Variants in NAMPT observed in about 807,000 individuals in gnomAD.
NAMPT encodes nicotinamide phosphoribosyltransferase.
NAMPT carries 7 observed loss-of-function variants against 58.7 expected under a neutral mutation model. The observed-to-expected ratio is 0.12, with a 90% CI of 0.07 to 0.22. NAMPT has a LOEUF of 0.22. NAMPT is among the 10% of genes least tolerant of loss of function. NAMPT has a pLI of 1.00. For synonymous variants in NAMPT, 145 were observed against 198.1 expected (o/e 0.73, Z 2.25); for missense variants, 271 against 567.9 (o/e 0.48, Z 5.31).
At chr7:106,261,770 T>C (rs1454760232) in intron 7 of NAMPT, 63 bp from the exon 8 acceptor site, 1 of 1,496,364 alleles carries the variant, frequency 6.7e-7, no homozygotes, top group Non-Finnish European at 9.2e-7. Flanking sequence ...TAAGAGCTTT[T>C]CAAAGTTAAA....
At chr7:106,262,127 T>C (rs528778601) in intron 7 of NAMPT, among the ~76,000 whole-genome samples, 4 of 152,230 alleles carry the variant, frequency 2.6e-5, no homozygotes, top group Non-Finnish European at 5.9e-5. Context: ...TTGTCTGATA[T>C]ATAACTCCAA....
At chr7:106,261,994 GA>G (rs967409024) in intron 7 of NAMPT, among the ~76,000 whole-genome samples, 19 of 149,406 alleles carry the variant, frequency 1.3e-4, no homozygotes, top group African/African-American at 3.4e-4. Context: ...TGGATTCAAG[GA>G]AAAAAAAATC....
Position 106,280,878 on chromosome 7 carries a change from T to A in NAMPT, c.58-3699A>T, listed in dbSNP as rs188972228. On this transcript the variant is annotated intron_variant, in intron 1 of 10. Transcript: ENST00000222553. ...ATCGCTTGAACCTGGGAGGTGGAGG[T>A]TGCCGTGAGCTGAGATCGTGCCACT... Among the ~76,000 whole-genome samples the A allele has an allele frequency of 2.0e-3, 301 of 147,098 alleles. 1 individual carries two copies. The highest frequency in any genetic ancestry group is 7.2e-3 in the African/African-American group (285 of 39,672).
Position 106,268,503 on chromosome 7 carries a change from T to A in NAMPT, c.704A>T (p.Asp235Val), listed in dbSNP as rs1305532666. The A allele has an allele frequency of 1.9e-6, 3 of 1,613,862 alleles. No individual in the cohort carries two copies. Among genetic ancestry groups the A allele is most frequent in the Non-Finnish European group, 1.7e-6 (2 of 1,179,912 alleles). Residue 235 changes from aspartate (D) to valine (V), a missense_variant, in exon 6 of 11, where the codon GAT (aspartate) becomes GTT (valine). Physicochemically the swap from Asp to Val is radical, Grantham distance 152. This residue lies in a region of NAMPT where 143 missense variants were observed against 331.1 expected (regional missense o/e 0.43). Coordinates refer to ENST00000222553, the MANE Select transcript of NAMPT (RefSeq NM_005746.3). ...TGGAACAGAATAGCCTGGAACAGGA[T>A]CTTTCGTTCCATAATATTTTTTAAT... ...ALIKKYYGTK[D>V]PVPGYSVPAA...
chr7:106,274,795 C>T, intron 3 of NAMPT, 151 bp downstream of exon 3: 1 of 552,228 alleles, frequency 1.8e-6, no homozygotes, highest in Admixed American at 3.3e-5. Flanking sequence ...GCAGAGGTTG[C>T]AGTGAGCCGA....
intron 1 of NAMPT, among the ~76,000 whole-genome samples, chr7:106,283,657 C>T (rs1323025193): frequency 2.0e-5 from 3 of 152,108 alleles, no homozygotes; most frequent in Non-Finnish European, 2.9e-5. Flanking sequence ...TGATAGTGTT[C>T]GGATTTTGCA....
Position 106,284,868 on chromosome 7 carries a change from T to C in NAMPT, c.17A>G (p.Glu6Gly), listed in dbSNP as rs1792840206. The change falls in exon 1 of 11, where the codon GAA becomes GGA. Residue 6 changes from glutamate (E) to glycine (G), a missense_variant. Physicochemically the swap from Glu to Gly is moderately conservative, Grantham distance 98 (BLOSUM62 -2). This residue lies in a region of NAMPT where 23 missense variants were observed against 16.4 expected (regional missense o/e 1.40). Coordinates refer to ENST00000222553, the MANE Select transcript of NAMPT (RefSeq NM_005746.3). ...GGCCAGGAGGATGTTGAACTCGGCTTCTGCCGCAGGATTCATCTCGGGCCG... is the reference window on the plus strand; with the variant it reads ...GGCCAGGAGGATGTTGAACTCGGCTCCTGCCGCAGGATTCATCTCGGGCCG... MNPAA[E>G]AEFNILLATD... 1.9e-6 allele frequency: 3 copies of C among 1,583,120 alleles called. No homozygotes were observed. The South Asian group carries it at 3.4e-5, about 18-fold the overall frequency.
rs1037361534 is a variant in NAMPT, at chr7:106,249,286, ATTCT to A, written c.*1793_*1796del. 2 of 152,526 alleles carry A rather than the reference ATTCT, an allele frequency of 1.3e-5. No individual in the cohort carries two copies. Among genetic ancestry groups the A allele is most frequent in the African/African-American group, 2.4e-5 (1 of 41,430 alleles). The allele number at this position is 152,526 out of a possible 1,614,324, so 9.4% of individuals were successfully genotyped here. A position where few individuals can be genotyped will look rare whatever the true frequency, so the allele number is the denominator to read the frequency against. On this transcript the variant is annotated 3_prime_UTR_variant, in exon 11 of 11. Coordinates refer to ENST00000222553, the MANE Select transcript of NAMPT (RefSeq NM_005746.3). ...GTTTAAAGAACCATCTGAAAAACAT[ATTCT>A]TTCTAATACCACTTACAAAAAACAT...
intron 1 of NAMPT, among the ~76,000 whole-genome samples, chr7:106,278,603 TTA>T (rs1190380577): frequency 1.3e-5 from 2 of 152,174 alleles, no homozygotes; most frequent in Non-Finnish European, 2.9e-5. Context: ...GCAATGAAAT[TTA>T]TGTCAATTCA....
chr7:106,252,696 T>C (rs1036851298), intron 10 of NAMPT, among the ~76,000 whole-genome samples: 4 of 152,158 alleles, frequency 2.6e-5, no homozygotes, highest in Admixed American at 1.3e-4. Context: ...CCATTTATTA[T>C]GTAATCCAAA....
In NAMPT at chr7:106,267,836, G is replaced by C. The variant is rs1409817749; in HGVS notation, c.743+628C>G. On this transcript the variant is annotated intron_variant, in intron 6 of 10. Transcript: ENST00000222553. ...AGCCTGGGCGACAGAGCGAGACTCC[G>C]TCTCAAAAAAAAAAAAAAAAAAAAA... Among the ~76,000 whole-genome samples the C allele has an allele frequency of 2.8e-4, 3 of 10,634 alleles. No homozygotes were observed. In the South Asian group the frequency reaches 0.018, roughly 65 times the overall value. 7.0% of individuals were successfully genotyped at this position (10,634 alleles called of 152,430 possible). A position where few individuals can be genotyped will look rare whatever the true frequency, so the allele number is the denominator to read the frequency against.
intron 8 of NAMPT, among the ~76,000 whole-genome samples, chr7:106,255,406 G>A (rs1182420103): frequency 6.6e-6 from 1 of 152,178 alleles, no homozygotes; most frequent in Non-Finnish European, 1.5e-5. Context: ...AGAACTTTCA[G>A]AAGTTATTAG....
intron 4 of NAMPT, 106 bp from the exon 5 acceptor site, chr7:106,269,418 A>C (rs1056720186): frequency 9.6e-7 from 1 of 1,037,264 alleles, no homozygotes; most frequent in Non-Finnish European, 1.4e-6. Context: ...CTGAACTTCC[A>C]TACTATTAAC....
In NAMPT at chr7:106,282,354, C is replaced by T. The variant is rs6957743; in HGVS notation, c.57+2474G>A. On this transcript the variant is annotated intron_variant, in intron 1 of 10. Transcript: ENST00000222553. ...CTTATCTTTGTCTTCTTTTATAATA[C>T]CCAATAGGTCACCAACATTTATTAA... 8.6e-3 allele frequency among the ~76,000 whole-genome samples: 1,304 copies of T among 152,204 alleles called. 20 individuals are homozygous for T. The highest frequency in any genetic ancestry group is 0.03 in the African/African-American group (1,250 of 41,512).
upstream of NAMPT, chr7:106,285,189 C>G: frequency 1.6e-6 from 2 of 1,219,536 alleles, no homozygotes; most frequent in South Asian, 5.0e-5. Context: ...CGGGGCGCGG[C>G]AGCGCGCTGC....
In NAMPT at chr7:106,263,459, G is replaced by A. The variant is rs756571090; in HGVS notation, c.902C>T (p.Ser301Leu). The A allele has an allele frequency of 4.4e-6, 7 of 1,597,358 alleles. No homozygotes were observed. Among genetic ancestry groups the A allele is most frequent in the African/African-American group, 2.7e-5 (2 of 74,554 alleles). The part of the protein sequence containing the change: ...WGEDLRHLIV[S>L]RSTQAPLIIR... ...TATTAGTGGTGCCTGTGTACTTCTT[G>A]ATACTATTAAATGTCTTAGATCTTC... Residue 301 changes from serine to leucine, a missense_variant, in exon 7 of 11, where the codon TCA (serine) becomes TTA (leucine). Ser to Leu is a moderately radical substitution (Grantham distance 145). Around this residue, in one of 4 missense-constraint regions of NAMPT, gnomAD observed 143 missense variants for 331.1 expected, o/e 0.43. Transcript: ENST00000222553.
rs147494660 is a variant in NAMPT at position 106,256,227 on chromosome 7, C to T, written c.1090-1723G>A. Among the ~76,000 whole-genome samples the T allele has an allele frequency of 5.4e-3, 817 of 152,310 alleles. 1 individual carries two copies. Among genetic ancestry groups the T allele is most frequent in the Non-Finnish European group, 8.6e-3 (584 of 68,022 alleles). On this transcript the variant is annotated intron_variant, in intron 8 of 10. Coordinates refer to ENST00000222553, the MANE Select transcript of NAMPT (RefSeq NM_005746.3). Reference sequence around the variant, plus strand: ...AAACACAACAGAAAAAGAAGATAGGCGCTCTGTATTTTGTCCAACACAAAA... The same window carrying T: ...AAACACAACAGAAAAAGAAGATAGGTGCTCTGTATTTTGTCCAACACAAAA...
At chr7:106,261,748 T>G in intron 7 of NAMPT, 41 bp from the exon 8 acceptor site, 2 of 1,571,690 alleles carry the variant, frequency 1.3e-6, no homozygotes, top group Non-Finnish European at 1.7e-6. Context: ...TAACTAAAGC[T>G]GAAAACAAGT....
intron 7 of NAMPT, among the ~76,000 whole-genome samples, chr7:106,261,923 G>A (rs933433365): frequency 6.6e-6 from 1 of 151,930 alleles, no homozygotes; most frequent in Non-Finnish European, 1.5e-5. Flanking sequence ...TTCCTATGAA[G>A]TGAATTCACA....
Sources: gnomAD v4.1 joint callset for allele counts (sites outside exome capture counted in the v4.1 genomes callset) on GRCh38, gnomAD v4.1.1 for gene constraint, gnomAD v4.1.1 regional missense constraint, MANE v1.5 for transcripts, NCBI Gene and HGNC (gene_info 2026-07-23, HGNC 2026-07-21) for gene names.